Variants in LTBP2 observed in about 807,000 individuals in gnomAD.
LTBP2 encodes the protein latent transforming growth factor beta binding protein 2, also known as latent-transforming growth factor beta-binding protein 2.
A neutral mutation model predicts 210.6 loss-of-function variants in LTBP2; 103 were observed. The observed-to-expected ratio is 0.49, with a 90% CI of 0.42 to 0.58. The LOEUF (loss-of-function observed/expected upper bound fraction) is 0.58. Ranked by LOEUF, LTBP2 falls within the 20% of genes least tolerant of loss-of-function variation. The pLI is 0.00. For synonymous variants in LTBP2, 1,007 were observed against 1,015.0 expected, an observed-to-expected ratio of 0.99 and a Z score of 0.15; for missense variants, 2,313 against 2,494.5, an observed-to-expected ratio of 0.93 and a Z score of 1.55.
chr14:74,514,277 C>T (rs862051), intron 18 of LTBP2, among the ~76,000 whole-genome samples: 96,851 of 152,102 alleles, frequency 0.64, 30,980 homozygotes, highest in East Asian at 0.75. Flanking sequence ...GAGCCATCTG[C>T]CTTCTTCCTG....
chr14:74,528,673 G>T lies in LTBP2; in HGVS notation c.2178C>A (p.Ala726=). Residue 726 remains alanine (A), a synonymous_variant, in exon 12 of 36, where the codon GCC becomes GCA. Coordinates refer to ENST00000261978, the MANE Select transcript of LTBP2 (RefSeq NM_000428.3). ...GTEAFREICP[A]GHGYTYASSD... Reference sequence around the variant, plus strand: ...AGCTCGCGTAGGTGTAGCCGTGGCCGGCAGGGCAGATCTCTCTGAAGGCCT... The same window carrying T: ...AGCTCGCGTAGGTGTAGCCGTGGCCTGCAGGGCAGATCTCTCTGAAGGCCT... 1 of 1,612,732 alleles carries T rather than the reference G, an allele frequency of 6.2e-7. No homozygotes were observed. The highest frequency in any genetic ancestry group is 8.5e-7 in the Non-Finnish European group (1 of 1,180,044).
rs753307185 is a variant in LTBP2, at chr14:74,611,443, A to C, written c.494+8T>G. The C allele has an allele frequency of 2.7e-6, 4 of 1,483,270 alleles. No homozygotes were observed. The highest frequency in any genetic ancestry group is 3.5e-6 in the Non-Finnish European group (4 of 1,128,772). The allele number at this position is 1,483,270 out of a possible 1,614,324, so 91.9% of individuals were successfully genotyped here. ...TGTACCCTCCAAACTTCCCTCTCCC[A>C]TGCTCACCCCGTGAGCCGCCCTCGC... On this transcript the variant is annotated splice_region_variant and intron_variant, in intron 1 of 35. Transcript: ENST00000261978.
At chr14:74,522,983 G>A (rs1423263371) in intron 15 of LTBP2, 65 bp from the exon 16 acceptor site, 31 of 1,574,928 alleles carry the variant, frequency 2.0e-5, no homozygotes, top group African/African-American at 2.7e-5. Flanking sequence ...CAGTGGAGCG[G>A]GGTGGGGACA....
intron 25 of LTBP2, 91 bp from the exon 26 acceptor site, chr14:74,507,401 C>A (rs2087005795): frequency 1.3e-6 from 2 of 1,554,016 alleles, no homozygotes; most frequent in East Asian, 4.5e-5. Context: ...CTCTGGGGTT[C>A]TTGATCTATT....
intron 5 of LTBP2, 52 bp downstream of exon 5, chr14:74,552,840 C>T: frequency 6.3e-7 from 1 of 1,580,044 alleles, no homozygotes; most frequent in Admixed American, 1.8e-5. Context: ...GCTCTCTGGC[C>T]ATCTACCCTC....
chr14:74,576,492 T>C (rs1238948787), intron 3 of LTBP2, among the ~76,000 whole-genome samples: 1 of 151,980 alleles, frequency 6.6e-6, no homozygotes, highest in Non-Finnish European at 1.5e-5. Flanking sequence ...GAAAGTACTG[T>C]GGAAATAAAA....
At chr14:74,532,298 G>T in intron 10 of LTBP2, 128 bp downstream of exon 10, 1 of 1,319,950 alleles carries the variant, frequency 7.6e-7, no homozygotes, top group Non-Finnish European at 1.1e-6. Context: ...TTGAATAGCC[G>T]ACACAGGCCC....
intron 31 of LTBP2, 32 bp downstream of exon 31, chr14:74,503,894 G>T: frequency 6.2e-7 from 1 of 1,613,226 alleles, no homozygotes; most frequent in Non-Finnish European, 8.5e-7. Flanking sequence ...CTGTGGGCCT[G>T]GGGTGGGGGC....
At chr14:74,541,282 C>G (rs2087504803) in intron 8 of LTBP2, among the ~76,000 whole-genome samples, 1 of 152,146 alleles carries the variant, frequency 6.6e-6, no homozygotes, top group African/African-American at 2.4e-5. Context: ...ACTGTTATGT[C>G]TCTGGTGCCA....
Position 74,511,317 on chromosome 14 carries a change from C to T in LTBP2, c.2956G>A (p.Val986Ile), listed in dbSNP as rs752078693. The T allele has an allele frequency of 1.3e-5, 21 of 1,614,014 alleles. No individual in the cohort carries two copies. The highest frequency in any genetic ancestry group is 6.6e-5 in the South Asian group (6 of 91,086). Residue 986 changes from valine to isoleucine, a missense_variant, in exon 19 of 36, where the codon GTC (valine) becomes ATC (isoleucine). Physicochemically the swap from Val to Ile is conservative, Grantham distance 29 (BLOSUM62 3). Transcript: ENST00000261978. ...HPGTCPDGRCVNSPGSYTCLA... is the reference protein window; with the variant it reads ...HPGTCPDGRCINSPGSYTCLA... The stretch of plus-strand genomic sequence containing the variant: ...CAAGTGTAGGAGCCAGGGGAATTGA[C>T]GCATCTCCCATCAGGGCAGGTACCG...
chr14:74,602,147 G>A (rs974207936), intron 2 of LTBP2, among the ~76,000 whole-genome samples: 5 of 152,210 alleles, frequency 3.3e-5, no homozygotes, highest in African/African-American at 1.2e-4. Context: ...CAGGAGATCG[G>A]AGCCTGGAGT....
intron 2 of LTBP2, among the ~76,000 whole-genome samples, chr14:74,597,433 G>A (rs2088382332): frequency 6.6e-6 from 1 of 152,154 alleles, no homozygotes; most frequent in South Asian, 2.1e-4. Flanking sequence ...AGGCAGCTGG[G>A]GATGGAGGGA....
chr14:74,562,171 C>T (rs2087802413), intron 3 of LTBP2, among the ~76,000 whole-genome samples: 1 of 151,522 alleles, frequency 6.6e-6, no homozygotes, highest in Non-Finnish European at 1.5e-5. Flanking sequence ...GATTGCACCA[C>T]TGCACTCCAG....
At chr14:74,600,081 C>T (rs2088423850) in intron 2 of LTBP2, among the ~76,000 whole-genome samples, 1 of 152,178 alleles carries the variant, frequency 6.6e-6, no homozygotes, top group Admixed American at 6.5e-5. Context: ...GGGGGAGAGC[C>T]AGCTGACGGG....
At chr14:74,553,803 G>A in intron 4 of LTBP2, among the ~76,000 whole-genome samples, 1 of 152,122 alleles carries the variant, frequency 6.6e-6, no homozygotes, top group Non-Finnish European at 1.5e-5. Context: ...CCTGGGGACA[G>A]AAGCCAGAGG....
At position 74,582,019 on chromosome 14, in the gene LTBP2, GTT is replaced by G. The variant is rs1162135097; in HGVS notation, c.830+3833_830+3834del. Among the ~76,000 whole-genome samples the G allele has an allele frequency of 1.1e-4, 14 of 128,472 alleles. 1 individual carries two copies. The South Asian group carries it at 2.6e-3, about 23-fold the overall frequency. 84.3% of individuals were successfully genotyped at this position (128,472 alleles called of 152,430 possible). A position where few individuals can be genotyped will look rare whatever the true frequency, so the allele number is the denominator to read the frequency against. On this transcript the variant is annotated intron_variant, in intron 3 of 35. Transcript: ENST00000261978. ...GTGACAAAGCCTGCCTAGGGTTGTT[GTT>G]TTTTTTTTTTTTTTTGAGATGGAGT...
intron 3 of LTBP2, among the ~76,000 whole-genome samples, chr14:74,562,790 C>A (rs2087812279): frequency 6.6e-6 from 1 of 152,182 alleles, no homozygotes; most frequent in Admixed American, 6.5e-5. Context: ...TATGCAGAAA[C>A]AGACGCTCTC....
At chr14:74,503,090 A>G in intron 33 of LTBP2, 129 bp downstream of exon 33, 4 of 1,503,328 alleles carry the variant, frequency 2.7e-6, no homozygotes, top group South Asian at 1.2e-5. Context: ...TTTGTCCCCA[A>G]ACAGCAGGGA....
At chr14:74,552,110 T>C (rs1439650581) in intron 6 of LTBP2, 77 bp downstream of exon 6, 2 of 1,396,136 alleles carry the variant, frequency 1.4e-6, no homozygotes, top group African/African-American at 1.4e-5. Flanking sequence ...CCTATCCCTG[T>C]CACAGCCATG....
Sources: allele counts gnomAD v4.1 joint callset (sites outside exome capture counted in the v4.1 genomes callset), GRCh38; gene constraint gnomAD v4.1.1; transcripts MANE v1.5; gene names NCBI Gene and HGNC (gene_info 2026-07-23, HGNC 2026-07-21).